The following NAALADL2 variants were observed in gnomAD, a reference collection of about 807,000 sequenced individuals.
The protein encoded by NAALADL2 is N-acetylated alpha-linked acidic dipeptidase like 2, also known as inactive N-acetylated-alpha-linked acidic dipeptidase-like protein 2.
In NAALADL2, 76 loss-of-function variants were observed where a neutral mutation model predicts 87.2. That is an observed-to-expected ratio of 0.87 (90% CI 0.72 to 1.05). The LOEUF (loss-of-function observed/expected upper bound fraction) is 1.05. Among genes scored for constraint, NAALADL2 ranks in the 50% least tolerant of loss-of-function variants. The pLI, the probability that NAALADL2 is intolerant of heterozygous loss-of-function variation, is 0.00. For synonymous variants in NAALADL2, 354 were observed against 331.0 expected, an observed-to-expected ratio of 1.07 and a Z score of -0.75; for missense variants, 1,089 against 945.8, an observed-to-expected ratio of 1.15 and a Z score of -1.99.
At chr3:175,602,427 A>T (rs1723088143) in intron 10 of NAALADL2, among the ~76,000 whole-genome samples, 1 of 150,954 alleles carries the variant, frequency 6.6e-6, no homozygotes, top group South Asian at 2.1e-4. Flanking sequence ...TGTAAACATA[A>T]TATGTTATGT....
chr3:174,832,283 T>C (rs998524383), intron 3 of NAALADL2, among the ~76,000 whole-genome samples: 8 of 152,292 alleles, frequency 5.3e-5, no homozygotes, highest in East Asian at 1.9e-4. Flanking sequence ...GCTTTGAATG[T>C]GTCCCAGAGA....
At chr3:175,082,481 G>A (rs1013789720) in intron 1 of NAALADL2, among the ~76,000 whole-genome samples, 8 of 152,258 alleles carry the variant, frequency 5.3e-5, no homozygotes, top group African/African-American at 1.9e-4. Flanking sequence ...ATTCTTAGAG[G>A]TGATAAATTA....
At chr3:175,757,410 G>C (rs1747416905) in intron 13 of NAALADL2, among the ~76,000 whole-genome samples, 1 of 152,048 alleles carries the variant, frequency 6.6e-6, no homozygotes, top group African/African-American at 2.4e-5. Context: ...CTAAAGTTCT[G>C]TGATCTCACA....
chr3:175,624,613 A>C (rs1449396221), intron 10 of NAALADL2, among the ~76,000 whole-genome samples: 2 of 152,008 alleles, frequency 1.3e-5, no homozygotes, highest in East Asian at 3.9e-4. Context: ...GTAACAAAAA[A>C]TTACGTAAAC....
chr3:175,257,766 T>C (rs1191456026), intron 4 of NAALADL2, among the ~76,000 whole-genome samples: 1 of 152,088 alleles, frequency 6.6e-6, no homozygotes, highest in African/African-American at 2.4e-5. Flanking sequence ...GTAAAAATCC[T>C]CATAAATCAA....
chr3:174,764,779 T>C (rs767693880), intron 3 of NAALADL2, among the ~76,000 whole-genome samples: 1 of 152,162 alleles, frequency 6.6e-6, no homozygotes, highest in Non-Finnish European at 1.5e-5. Context: ...AATAAGGACC[T>C]GTACTCTGGC....
intron 2 of NAALADL2, among the ~76,000 whole-genome samples, chr3:175,147,532 A>G (rs1335746078): frequency 6.6e-6 from 1 of 152,110 alleles, no homozygotes; most frequent in Non-Finnish European, 1.5e-5. Flanking sequence ...TGCTATTGTG[A>G]ATAGTGCTGC....
chr3:174,986,859 T>C (rs1222570794), intron 1 of NAALADL2, among the ~76,000 whole-genome samples: 2 of 152,186 alleles, frequency 1.3e-5, no homozygotes, highest in Admixed American at 6.5e-5. Context: ...ATTTGGCCAC[T>C]GTAGGGAGAC....
intron 11 of NAALADL2, among the ~76,000 whole-genome samples, chr3:175,644,593 C>T (rs569070274): frequency 6.6e-6 from 1 of 152,228 alleles, no homozygotes; most frequent in African/African-American, 2.4e-5. Flanking sequence ...TCCTATTCCT[C>T]AGTCTATTTT....
At chr3:175,439,937 G>A (rs2149197955) in intron 5 of NAALADL2, among the ~76,000 whole-genome samples, 1 of 152,034 alleles carries the variant, frequency 6.6e-6, no homozygotes, top group African/African-American at 2.4e-5. Flanking sequence ...TTGCTTTTGG[G>A]TTCTAGGTCA....
At chr3:175,294,676 C>T (rs954669140) in intron 4 of NAALADL2, among the ~76,000 whole-genome samples, 3 of 152,156 alleles carry the variant, frequency 2.0e-5, no homozygotes, top group African/African-American at 7.2e-5. Flanking sequence ...AAATAAGTTT[C>T]ACTTTTTGGA....
At chr3:175,338,417 A>T (rs1030745330) in intron 5 of NAALADL2, among the ~76,000 whole-genome samples, 1 of 151,744 alleles carries the variant, frequency 6.6e-6, no homozygotes, top group African/African-American at 2.4e-5. Context: ...AAAGGCCAAG[A>T]TTTGCATGAG....
intron 1 of NAALADL2, among the ~76,000 whole-genome samples, chr3:174,950,083 A>G (rs180857344): frequency 3.9e-5 from 6 of 152,280 alleles, no homozygotes; most frequent in Admixed American, 6.5e-5. Flanking sequence ...GGAGTACAAA[A>G]AACAATCAAT....
chr3:175,607,079 G>T (rs1723860891), intron 10 of NAALADL2, among the ~76,000 whole-genome samples: 1 of 152,194 alleles, frequency 6.6e-6, no homozygotes, highest in Non-Finnish European at 1.5e-5. Context: ...GTAAGAAGGT[G>T]TATTGTGAAG....
intron 2 of NAALADL2, among the ~76,000 whole-genome samples, chr3:175,188,474 G>C (rs141919914): frequency 2.2e-4 from 34 of 152,242 alleles, no homozygotes; most frequent in Middle Eastern, 3.4e-3. Flanking sequence ...TGAGGAACTG[G>C]AATCTTGGGC....
At chr3:175,379,534 T>C (rs1026067840) in intron 5 of NAALADL2, among the ~76,000 whole-genome samples, 1 of 151,988 alleles carries the variant, frequency 6.6e-6, no homozygotes, top group Non-Finnish European at 1.5e-5. Context: ...CTTTTTGTTT[T>C]TTTTTTTTCC....
chr3:174,766,896 C>T (rs769017270), intron 3 of NAALADL2, among the ~76,000 whole-genome samples: 2 of 152,156 alleles, frequency 1.3e-5, no homozygotes, highest in Admixed American at 1.3e-4. Flanking sequence ...TCTTTACTAT[C>T]TGCGGATCTT....
chr3:174,981,393 A>C (rs531487468), intron 1 of NAALADL2, among the ~76,000 whole-genome samples: 1 of 152,158 alleles, frequency 6.6e-6, no homozygotes, highest in Non-Finnish European at 1.5e-5. Flanking sequence ...TAAAAAGTTA[A>C]TATGTGGCCA....
chr3:175,531,170 C>A (rs1385289253), intron 9 of NAALADL2, among the ~76,000 whole-genome samples: 2 of 152,098 alleles, frequency 1.3e-5, no homozygotes, highest in East Asian at 1.9e-4. Context: ...GGACCACACT[C>A]AAAACTGGCA....
Sources: allele counts gnomAD v4.1 joint callset (sites outside exome capture counted in the v4.1 genomes callset), GRCh38; gene constraint gnomAD v4.1.1; transcripts MANE v1.5; gene names NCBI Gene and HGNC (gene_info 2026-07-23, HGNC 2026-07-21).